The following SLC44A1 variants were observed in gnomAD, a reference collection of about 807,000 sequenced individuals.
SLC44A1 encodes choline transporter-like protein 1.
Under a neutral mutation model 79.3 loss-of-function variants are expected in SLC44A1, and 26 were observed. The ratio of observed to expected loss-of-function variants is 0.33; its 90% confidence interval spans 0.24 to 0.46. The LOEUF (loss-of-function observed/expected upper bound fraction) is 0.46, where lower values mean the gene tolerates loss of function less well. Ranked by LOEUF, SLC44A1 falls within the 20% of genes least tolerant of loss-of-function variation. The probability of loss-of-function intolerance (pLI) is 1.00; values close to 1 mark genes in which losing one functional copy is unlikely to be tolerated. For missense variants in SLC44A1, 688 were observed against 798.1 expected (o/e 0.86, Z 1.66); for synonymous variants, 263 against 286.2 (o/e 0.92, Z 0.82).
At chr9:105,380,343 C>G (rs78172203) in intron 13 of SLC44A1, among the ~76,000 whole-genome samples, 1 of 151,944 alleles carries the variant, frequency 6.6e-6, no homozygotes, top group Non-Finnish European at 1.5e-5. Flanking sequence ...AGAACAGGAA[C>G]GTCTATTTTT....
intron 2 of SLC44A1, among the ~76,000 whole-genome samples, chr9:105,300,186 C>G (rs1209665271): frequency 6.6e-6 from 1 of 152,206 alleles, no homozygotes; most frequent in African/African-American, 2.4e-5. Flanking sequence ...CAAGGCCACA[C>G]TGCTAGTTCA....
Position 105,392,669 on chromosome 9 carries a change from C to T in SLC44A1, c.*3613C>T, listed in dbSNP as rs1260250696. 2.0e-6 allele frequency: 2 copies of T among 985,226 alleles called. No homozygotes were observed. Among genetic ancestry groups the T allele is most frequent in the Non-Finnish European group, 2.4e-6 (2 of 829,986 alleles). 61.0% of individuals were successfully genotyped at this position (985,226 alleles called of 1,614,324 possible). ...ACCACATATGTGTGAGGCCACATCA[C>T]TGCCCCTGAGGCTTCAACTATTTCC... On this transcript the variant is annotated 3_prime_UTR_variant, in exon 16 of 16. Coordinates refer to ENST00000374720, the MANE Select transcript of SLC44A1 (RefSeq NM_080546.5).
At chr9:105,298,179 C>T (rs569667554) in intron 1 of SLC44A1, among the ~76,000 whole-genome samples, 1 of 151,840 alleles carries the variant, frequency 6.6e-6, no homozygotes, top group South Asian at 2.1e-4. Flanking sequence ...GCCGCTAGTT[C>T]TGTAGTTCAG....
intron 1 of SLC44A1, among the ~76,000 whole-genome samples, chr9:105,291,045 A>G (rs765647930): frequency 2.0e-5 from 3 of 152,234 alleles, no homozygotes; most frequent in African/African-American, 7.2e-5. Context: ...AGGACAGGCA[A>G]TGTCTTTCAA....
In SLC44A1 at chr9:105,364,468, T is replaced by G. The variant is rs1588835504; in HGVS notation, c.1088-87T>G. The stretch of plus-strand genomic sequence containing the variant: ...AGATCAGAAGGTTTGTGGCTTGGGG[T>G]AGGGACCTATTGCCTTCTACTTAAC... On this transcript the variant is annotated intron_variant, in intron 9 of 15. Coordinates refer to ENST00000374720, the MANE Select transcript of SLC44A1 (RefSeq NM_080546.5). 7 of 1,075,150 alleles carry G rather than the reference T, an allele frequency of 6.5e-6. No homozygotes were observed. In the East Asian group the frequency reaches 1.2e-4, roughly 18 times the overall value. 66.6% of individuals were successfully genotyped at this position (1,075,150 alleles called of 1,614,324 possible). A position where few individuals can be genotyped will look rare whatever the true frequency, so the allele number is the denominator to read the frequency against.
At chr9:105,356,162 T>C (rs1389027938) in intron 5 of SLC44A1, 50 bp from the exon 6 acceptor site, 1 of 1,436,114 alleles carries the variant, frequency 7.0e-7, no homozygotes, top group Non-Finnish European at 9.8e-7. Context: ...GTGGCATTTA[T>C]ATTAAGTAGG....
At chr9:105,249,525 AT>A (rs11361823) in intron 1 of SLC44A1, among the ~76,000 whole-genome samples, 27,197 of 142,086 alleles carry the variant, frequency 0.19, 4,063 homozygotes, top group African/African-American at 0.44. Context: ...AGAAATGGTA[AT>A]TTTTTTTTTT....
intron 15 of SLC44A1, among the ~76,000 whole-genome samples, chr9:105,411,452 ATGTGTGTGTG>A (rs143819316): frequency 7.8e-6 from 1 of 127,554 alleles, no homozygotes; most frequent in Admixed American, 7.8e-5. Flanking sequence ...CTCTCTGTGT[ATGTGTGTGTG>A]TGTGTGTGTG....
chr9:105,388,950 A>C (rs1828696037), intron 15 of SLC44A1, 83 bp from the exon 16 acceptor site: 1 of 1,019,180 alleles, frequency 9.8e-7, no homozygotes, highest in African/African-American at 1.6e-5. Flanking sequence ...GTTTGTGACC[A>C]TGTGTATATT....
Position 105,365,491 on chromosome 9 carries a change from G to T in SLC44A1, c.1262G>T (p.Arg421Met). 1 of 1,611,448 alleles carries T rather than the reference G, an allele frequency of 6.2e-7. No individual in the cohort carries two copies. Among genetic ancestry groups the T allele is most frequent in the Non-Finnish European group, 8.5e-7 (1 of 1,178,548 alleles). ...VVTYYFTRDK[R>M]NLPFTPILAS... is the part of the protein sequence containing the mutation. The stretch of plus-strand genomic sequence containing the variant: ...GGTCATTTTTTAAATAGGGATAAAA[G>T]GAATTTGCCATTTACACCTATTTTG... Residue 421 changes from arginine to methionine, a missense_variant, in exon 11 of 16, where the codon AGG becomes ATG. Physicochemically the swap from Arg to Met is moderately conservative, Grantham distance 91. Transcript: ENST00000374720.
chr9:105,259,939 G>A lies in SLC44A1; in HGVS notation c.36+15035G>A, dbSNP rs536208309. Among the ~76,000 whole-genome samples the A allele has an allele frequency of 7.9e-5, 12 of 152,298 alleles. 1 individual carries two copies. The South Asian group carries it at 2.5e-3, about 32-fold the overall frequency. On this transcript the variant is annotated intron_variant, in intron 1 of 15. Coordinates refer to ENST00000374720, the MANE Select transcript of SLC44A1 (RefSeq NM_080546.5). ...AAGTGGAAACACTTATTTATCTTGAGGTTGCAACAAGCAAATTGAGCTGGG... is the reference window on the plus strand; with the variant it reads ...AAGTGGAAACACTTATTTATCTTGAAGTTGCAACAAGCAAATTGAGCTGGG...
intron 8 of SLC44A1, among the ~76,000 whole-genome samples, chr9:105,361,921 T>C (rs916347373): frequency 2.0e-5 from 3 of 152,130 alleles, no homozygotes; most frequent in Non-Finnish European, 4.4e-5. Flanking sequence ...CATGCTGGTG[T>C]GCACCTGTGG....
At chr9:105,373,303 T>G (rs1828171260) in intron 12 of SLC44A1, among the ~76,000 whole-genome samples, 1 of 152,208 alleles carries the variant, frequency 6.6e-6, no homozygotes, top group Non-Finnish European at 1.5e-5. Context: ...AAAGTTTTAG[T>G]CACAAAGTTC....
At chr9:105,248,163 G>A (rs170582) in intron 1 of SLC44A1, among the ~76,000 whole-genome samples, 19,294 of 152,212 alleles carry the variant, frequency 0.13, 1,595 homozygotes, top group African/African-American at 0.23. Flanking sequence ...AGTATCTTCA[G>A]CAACTTTAAA....
In SLC44A1 at chr9:105,397,058, A is replaced by G. The variant is rs1828891167; in HGVS notation, c.*8002A>G. 15 of 985,122 alleles carry G rather than the reference A, an allele frequency of 1.5e-5. No individual in the cohort carries two copies. The South Asian group carries it at 6.6e-4, about 43-fold the overall frequency. 61.0% of individuals were successfully genotyped at this position (985,122 alleles called of 1,614,324 possible). ...GACTTTAAAAATATGTATATTAAGC[A>G]ATTAACTTTCTGGAGTTGGAGTTAT... On this transcript the variant is annotated 3_prime_UTR_variant, in exon 16 of 16. Coordinates refer to ENST00000374720, the MANE Select transcript of SLC44A1 (RefSeq NM_080546.5).
At chr9:105,312,577 A>G (rs1831208957) in intron 3 of SLC44A1, among the ~76,000 whole-genome samples, 1 of 152,212 alleles carries the variant, frequency 6.6e-6, no homozygotes, top group Non-Finnish European at 1.5e-5. Context: ...GAGGATTTGT[A>G]TATTTTAAAA....
intron 1 of SLC44A1, among the ~76,000 whole-genome samples, chr9:105,287,635 A>G (rs1362310361): frequency 6.6e-6 from 1 of 152,180 alleles, no homozygotes; most frequent in Non-Finnish European, 1.5e-5. Context: ...CCTGAAAACA[A>G]TGCATGCTAT....
chr9:105,422,281 C>CTTTTT (rs554922812), intron 15 of SLC44A1, among the ~76,000 whole-genome samples: 4 of 95,908 alleles, frequency 4.2e-5, no homozygotes, highest in Non-Finnish European at 7.8e-5. Context: ...CTGCTCCATC[C>CTTTTT]TTTTTTTTTT....
At chr9:105,279,508 G>C (rs760826451) in intron 1 of SLC44A1, among the ~76,000 whole-genome samples, 11 of 151,850 alleles carry the variant, frequency 7.2e-5, no homozygotes, top group Admixed American at 6.6e-5. Context: ...AGTAGAGACG[G>C]GGTTTCACCA....
Sources: gnomAD v4.1 joint callset for allele counts (sites outside exome capture counted in the v4.1 genomes callset) on GRCh38, gnomAD v4.1.1 for gene constraint, MANE v1.5 for transcripts, NCBI Gene and HGNC (gene_info 2026-07-23, HGNC 2026-07-21) for gene names.